IDO2: variants seen among roughly 807,000 people sequenced by gnomAD.
IDO2 encodes indoleamine 2,3-dioxygenase-like 1 protein.
In IDO2, 46 loss-of-function variants were observed where a neutral mutation model predicts 45.1. The ratio of observed to expected loss-of-function variants is 1.02; its 90% CI spans 0.80 to 1.30. The LOEUF (loss-of-function observed/expected upper bound fraction) is 1.30, where lower values mean the gene tolerates loss of function less well. Ranked by LOEUF, IDO2 falls within the 50% of genes most tolerant of loss-of-function variation. The pLI, the probability that IDO2 is intolerant of heterozygous loss-of-function variation, is 0.00. For missense variants in IDO2, 544 were observed against 491.8 expected, an observed-to-expected ratio of 1.11 and a Z score of -1.00; for synonymous variants, 218 against 184.9, an observed-to-expected ratio of 1.18 and a Z score of -1.45.
exon 11 of IDO2, chr8:40,015,380 C>T (rs558816457): frequency 2.5e-6 from 4 of 1,613,922 alleles, no homozygotes; most frequent in Non-Finnish European, 8.5e-7. Context: ...CAGCTTATAA[C>T]CAGTGTGTGC....
chr8:40,009,068 G>T (rs539384856), intron 9 of IDO2, among the ~76,000 whole-genome samples: 2 of 151,944 alleles, frequency 1.3e-5, no homozygotes, highest in African/African-American at 4.8e-5. Flanking sequence ...AGGCTGGAGC[G>T]CAATGGCGCA....
At chr8:39,935,285 G>A in intron 1 of IDO2, 67 bp downstream of exon 1, 1 of 1,298,836 alleles carries the variant, frequency 7.7e-7, no homozygotes, top group Non-Finnish European at 1.1e-6. Flanking sequence ...CTGACAATTT[G>A]GGGCTAGCAA....
At chr8:39,941,292 T>A (rs529121493) in intron 1 of IDO2, among the ~76,000 whole-genome samples, 82 of 151,286 alleles carry the variant, frequency 5.4e-4, no homozygotes, top group African/African-American at 2.0e-3. Flanking sequence ...CGGCTCTCTT[T>A]TTAAAAATGA....
intron 9 of IDO2, among the ~76,000 whole-genome samples, chr8:40,010,818 T>C (rs140111215): frequency 6.6e-6 from 1 of 152,294 alleles, no homozygotes; most frequent in Non-Finnish European, 1.5e-5. Context: ...TCATATCAAG[T>C]AGGCAGTTGG....
intron 5 of IDO2, among the ~76,000 whole-genome samples, chr8:39,983,775 A>G (rs1808385842): frequency 6.6e-6 from 1 of 152,076 alleles, no homozygotes; most frequent in Non-Finnish European, 1.5e-5. Flanking sequence ...CTGAGGCAGG[A>G]GAATTGCTTG....
intron 8 of IDO2, among the ~76,000 whole-genome samples, chr8:39,991,607 G>C (rs1441347676): frequency 1.6e-5 from 2 of 122,686 alleles, no homozygotes; most frequent in Admixed American, 1.1e-4. Context: ...GTCTCACTCT[G>C]TCACTCAGGC....
chr8:39,979,617 T>C (rs986350570), intron 4 of IDO2, among the ~76,000 whole-genome samples: 2 of 151,930 alleles, frequency 1.3e-5, no homozygotes, highest in Non-Finnish European at 2.9e-5. Context: ...CTTCCCACAG[T>C]GCTGGGATTA....
chr8:39,993,708 A>T (rs1332524683), intron 8 of IDO2, among the ~76,000 whole-genome samples: 1 of 152,136 alleles, frequency 6.6e-6, no homozygotes, highest in African/African-American at 2.4e-5. Context: ...TTTCTTTTTG[A>T]CCTAGAAAAG....
chr8:39,941,033 C>T (rs934082943), intron 1 of IDO2, among the ~76,000 whole-genome samples: 3 of 151,206 alleles, frequency 2.0e-5, no homozygotes, highest in African/African-American at 7.3e-5. Context: ...CCAGCCTGGC[C>T]AACATGGTGA....
intron 2 of IDO2, among the ~76,000 whole-genome samples, chr8:39,960,144 C>A (rs1177894005): frequency 6.6e-6 from 1 of 152,304 alleles, no homozygotes; most frequent in African/African-American, 2.4e-5. Context: ...TTACAGTTTT[C>A]AGACTTCCCT....
exon 11 of IDO2, chr8:40,015,490 C>T: frequency 6.2e-7 from 1 of 1,614,012 alleles, no homozygotes; most frequent in Non-Finnish European, 8.5e-7. Flanking sequence ...AACCATCTCC[C>T]AGGGCCTCCT....
Position 39,988,082 on chromosome 8 carries a change from C to T in IDO2, c.549+112C>T, listed in dbSNP as rs986729416. On this transcript the variant is annotated intron_variant, in intron 7 of 10. Transcript: ENST00000502986. Reference sequence around the variant, plus strand: ...CAACACAAATGAACATAGACCTTGTCCTGCTTAGTTCAAGTCTGAGAGAAG... The same window carrying T: ...CAACACAAATGAACATAGACCTTGTTCTGCTTAGTTCAAGTCTGAGAGAAG... 16 of 633,268 alleles carry T rather than the reference C, an allele frequency of 2.5e-5. No individual in the cohort carries two copies. In the South Asian group the frequency reaches 2.5e-4, roughly 10 times the overall value. 39.2% of individuals were successfully genotyped at this position (633,268 alleles called of 1,614,324 possible).
chr8:39,955,295 C>T (rs1585399179), intron 2 of IDO2, among the ~76,000 whole-genome samples: 1 of 133,874 alleles, frequency 7.5e-6, no homozygotes, highest in Non-Finnish European at 1.5e-5. Context: ...ACTCTTGTTG[C>T]CTAGGCTGGA....
chr8:39,981,303 G>A (rs931963809), intron 4 of IDO2, among the ~76,000 whole-genome samples: 4 of 151,730 alleles, frequency 2.6e-5, no homozygotes, highest in Admixed American at 6.6e-5. Flanking sequence ...CTCGTGATCT[G>A]CCCGCCTTCG....
chr8:40,012,630 T>C (rs751161797), intron 9 of IDO2, among the ~76,000 whole-genome samples: 17 of 151,874 alleles, frequency 1.1e-4, no homozygotes, highest in Non-Finnish European at 1.6e-4. Flanking sequence ...TTCAAGACTA[T>C]GCAAAGTCAG....
intron 2 of IDO2, among the ~76,000 whole-genome samples, chr8:39,961,320 C>CTTTTTTTTTT (rs57577433): frequency 1.0e-4 from 11 of 106,108 alleles, no homozygotes; most frequent in Non-Finnish European, 1.5e-4. Context: ...TTGTATACTT[C>CTTTTTTTTTT]TTTTTTTTTT....
chr8:39,945,244 G>T (rs566897816), intron 1 of IDO2, among the ~76,000 whole-genome samples: 2 of 152,392 alleles, frequency 1.3e-5, no homozygotes, highest in African/African-American at 4.8e-5. Context: ...TATGCTGAAT[G>T]GGGTGACCAA....
chr8:39,948,207 C>T (rs1173326791), intron 1 of IDO2, among the ~76,000 whole-genome samples: 4 of 152,224 alleles, frequency 2.6e-5, no homozygotes, highest in Non-Finnish European at 5.9e-5. Flanking sequence ...CCTTCTTTAA[C>T]GTGATCGAAT....
At chr8:39,953,700 T>C (rs1585398473) in intron 2 of IDO2, among the ~76,000 whole-genome samples, 1 of 152,228 alleles carries the variant, frequency 6.6e-6, no homozygotes, top group Admixed American at 6.5e-5. Flanking sequence ...GTAGCTGGGA[T>C]TACAGGAGCC....
Sources: allele counts gnomAD v4.1 joint callset (sites outside exome capture counted in the v4.1 genomes callset), GRCh38; gene constraint gnomAD v4.1.1; transcripts MANE v1.5; gene names NCBI Gene and HGNC (gene_info 2026-07-23, HGNC 2026-07-21).